NUP210L: variants seen among roughly 807,000 people sequenced by gnomAD.
NUP210L encodes nucleoporin 210 like, also known as nuclear pore membrane glycoprotein 210-like.
A neutral mutation model predicts 208.5 loss-of-function variants in NUP210L; 74 were observed. The observed-to-expected ratio is 0.35, with a 90% CI of 0.29 to 0.43. The LOEUF (loss-of-function observed/expected upper bound fraction) is 0.43, where lower values mean the gene tolerates loss of function less well. NUP210L is among the 20% of genes least tolerant of loss of function. The pLI, the probability that NUP210L is intolerant of heterozygous loss-of-function variation, is 1.00. For missense variants in NUP210L, 1,843 were observed against 2,289.4 expected, an observed-to-expected ratio of 0.81 and a Z score of 3.98; for synonymous variants, 780 against 816.9, an observed-to-expected ratio of 0.95 and a Z score of 0.77.
intron 2 of NUP210L, among the ~76,000 whole-genome samples, chr1:154,149,046 A>T (rs1162904547): frequency 1.3e-5 from 2 of 151,214 alleles, no homozygotes; most frequent in Non-Finnish European, 2.9e-5. Flanking sequence ...TTGTGCACAC[A>T]ATGCTTACTC....
At chr1:154,110,781 G>A (rs779920099) in intron 12 of NUP210L, among the ~76,000 whole-genome samples, 39 of 151,334 alleles carry the variant, frequency 2.6e-4, no homozygotes, top group Non-Finnish European at 4.1e-4. Context: ...GGGAGACTGC[G>A]GCTGGAAGAT....
At chr1:154,089,726 C>A (rs551634181) in intron 15 of NUP210L, 132 bp from the exon 16 acceptor site, 11 of 692,596 alleles carry the variant, frequency 1.6e-5, no homozygotes, top group East Asian at 2.7e-5. Context: ...CGGCAAATCC[C>A]TTAAAGACAT....
chr1:154,130,708 C>T (rs941840969), intron 7 of NUP210L, among the ~76,000 whole-genome samples: 6 of 151,132 alleles, frequency 4.0e-5, no homozygotes, highest in Non-Finnish European at 7.4e-5. Flanking sequence ...CCTCAGGCCT[C>T]TGAGTAACTG....
chr1:154,020,245 T>C (rs1450393912), intron 32 of NUP210L, among the ~76,000 whole-genome samples: 1 of 152,246 alleles, frequency 6.6e-6, no homozygotes, highest in East Asian at 1.9e-4. Flanking sequence ...AAACCATACA[T>C]TACTACAAGC....
chr1:154,032,917 G>A (rs1212680652), intron 27 of NUP210L, among the ~76,000 whole-genome samples: 2 of 143,700 alleles, frequency 1.4e-5, no homozygotes, highest in African/African-American at 5.4e-5. Flanking sequence ...CAGCCTGGGC[G>A]ACAGAGCAAG....
intron 33 of NUP210L, among the ~76,000 whole-genome samples, chr1:154,013,714 T>C (rs1651091177): frequency 1.3e-5 from 2 of 152,230 alleles, no homozygotes; most frequent in Non-Finnish European, 2.9e-5. Context: ...TACATTGTTT[T>C]TTCTCAAGAA....
chr1:154,152,904 TA>T, intron 1 of NUP210L, 32 bp from the exon 2 acceptor site: 1 of 1,606,050 alleles, frequency 6.2e-7, no homozygotes, highest in Non-Finnish European at 8.5e-7. Context: ...GAGTGTGAAA[TA>T]GGTGGGTTAA....
intron 16 of NUP210L, among the ~76,000 whole-genome samples, chr1:154,071,975 C>CGCGT (rs1027657255): frequency 6.1e-5 from 9 of 148,366 alleles, no homozygotes; most frequent in Non-Finnish European, 1.0e-4. Context: ...TATTCCATCG[C>CGCGT]GTGTGTGTGT....
intron 10 of NUP210L, among the ~76,000 whole-genome samples, chr1:154,125,631 A>G (rs1370311342): frequency 1.5e-3 from 1 of 648 alleles, no homozygotes; most frequent in Non-Finnish European, 6.5e-3. Flanking sequence ...GAAAGGAAGG[A>G]AGGAAGGAAG....
At chr1:154,005,334 C>T (rs1251272277) in intron 35 of NUP210L, among the ~76,000 whole-genome samples, 1 of 152,042 alleles carries the variant, frequency 6.6e-6, no homozygotes, top group African/African-American at 2.4e-5. Context: ...AGCAATTCTC[C>T]TGCCTCAGCC....
At chr1:154,043,198 T>C (rs1652988089) in intron 27 of NUP210L, among the ~76,000 whole-genome samples, 1 of 150,592 alleles carries the variant, frequency 6.6e-6, no homozygotes, top group African/African-American at 2.5e-5. Flanking sequence ...TTTTGTATTT[T>C]TGGTAGAGAC....
chr1:154,113,558 C>T (rs1352803649), intron 12 of NUP210L, among the ~76,000 whole-genome samples: 55 of 152,124 alleles, frequency 3.6e-4, no homozygotes, highest in Non-Finnish European at 1.2e-4. Context: ...TATATGTGGC[C>T]TGTAAAGACT....
In NUP210L at chr1:153,994,233, A is replaced by G. The variant is rs116287745; in HGVS notation, c.5491+843T>C. On this transcript the variant is annotated intron_variant, in intron 38 of 39. Coordinates refer to ENST00000368559, the Ensembl canonical transcript of NUP210L. ...ATGAATTTCAGCAAAAGTAGCTGTT[A>G]TACCTCAAGATTTAGTAGTGGTTTC... 8.3e-3 allele frequency among the ~76,000 whole-genome samples: 1,266 copies of G among 152,270 alleles called. 5 individuals are homozygous for G. The highest frequency in any genetic ancestry group is 0.012 in the Non-Finnish European group (826 of 68,010).
chr1:154,140,692 A>G (rs1658810855), intron 4 of NUP210L, among the ~76,000 whole-genome samples: 1 of 149,212 alleles, frequency 6.7e-6, no homozygotes. Flanking sequence ...AAAAGAAAAG[A>G]AAAAGAAAAG....
chr1:154,107,519 G>T (rs1197142717), intron 12 of NUP210L, among the ~76,000 whole-genome samples: 1 of 150,494 alleles, frequency 6.6e-6, no homozygotes, highest in Non-Finnish European at 1.5e-5. Context: ...CTCAACAGCA[G>T]AACTGATGAA....
At chr1:154,006,430 CTTACTTAATT>C (rs1199902310) in intron 35 of NUP210L, among the ~76,000 whole-genome samples, 2 of 152,008 alleles carry the variant, frequency 1.3e-5, no homozygotes, top group Non-Finnish European at 2.9e-5. Context: ...TCTGTAAAAC[CTTACTTAATT>C]TGGCTCTAGG....
chr1:154,133,188 CT>C (rs1235175520), intron 7 of NUP210L, among the ~76,000 whole-genome samples: 12 of 152,290 alleles, frequency 7.9e-5, no homozygotes, highest in African/African-American at 2.6e-4. Flanking sequence ...TTTCCTTTCC[CT>C]AGAAGTCTTT....
chr1:154,093,469 G>A (rs1656029589), intron 15 of NUP210L, among the ~76,000 whole-genome samples: 1 of 151,968 alleles, frequency 6.6e-6, no homozygotes, highest in Non-Finnish European at 1.5e-5. Flanking sequence ...AAAAGATTGA[G>A]GACCAAAATA....
intron 33 of NUP210L, among the ~76,000 whole-genome samples, chr1:154,013,246 C>T (rs995705438): frequency 6.6e-6 from 1 of 152,026 alleles, no homozygotes; most frequent in African/African-American, 2.4e-5. Context: ...ATTATTCCTT[C>T]AGACATATCT....
Sources: gnomAD v4.1 joint callset for allele counts (sites outside exome capture counted in the v4.1 genomes callset) on GRCh38, gnomAD v4.1.1 for gene constraint, MANE v1.5 for transcripts, NCBI Gene and HGNC (gene_info 2026-07-23, HGNC 2026-07-21) for gene names.